The following TAOK3 variants were observed in gnomAD, a reference collection of about 807,000 sequenced individuals.
TAOK3 encodes TAO kinase 3, also known as serine/threonine-protein kinase TAO3.
In TAOK3, 40 loss-of-function variants were observed where a neutral mutation model predicts 120.4. The observed-to-expected ratio is 0.33, with a 90% CI of 0.26 to 0.43. The LOEUF (loss-of-function observed/expected upper bound fraction) is 0.43. TAOK3 is among the 20% of genes least tolerant of loss of function. The probability of loss-of-function intolerance (pLI) is 1.00; values close to 1 mark genes in which losing one functional copy is unlikely to be tolerated. For synonymous variants in TAOK3, 355 were observed against 387.5 expected, an observed-to-expected ratio of 0.92 and a Z score of 0.99; for missense variants, 821 against 1,112.1, an observed-to-expected ratio of 0.74 and a Z score of 3.72.
chr12:118,165,865 T>C (rs558176760), intron 17 of TAOK3, among the ~76,000 whole-genome samples: 1 of 152,364 alleles, frequency 6.6e-6, no homozygotes, highest in East Asian at 1.9e-4. Context: ...AAGAAAAACA[T>C]GATACTGAAA....
At chr12:118,368,321 C>T (rs143071196) in intron 1 of TAOK3, among the ~76,000 whole-genome samples, 5 of 152,104 alleles carry the variant, frequency 3.3e-5, no homozygotes, top group Admixed American at 2.0e-4. Flanking sequence ...CTCAGCCTCC[C>T]GGGTAGCTGG....
At chr12:118,247,920 G>GT (rs2140068572) in intron 3 of TAOK3, among the ~76,000 whole-genome samples, 1 of 152,226 alleles carries the variant, frequency 6.6e-6, no homozygotes, top group African/African-American at 2.4e-5. Context: ...TACCCCTAAT[G>GT]TAAGTAAGCT....
chr12:118,266,506 A>AT (rs1350259461), intron 2 of TAOK3, 149 bp downstream of exon 2: 1 of 348,564 alleles, frequency 2.9e-6, no homozygotes, highest in East Asian at 4.1e-5. Context: ...CCGGCCAAAG[A>AT]TTTTTATAAA....
At position 118,165,347 on chromosome 12, in the gene TAOK3, T is replaced by C. The variant is rs16948171; in HGVS notation, c.1900-3320A>G. Among the ~76,000 whole-genome samples the C allele has an allele frequency of 5.2e-3, 794 of 152,284 alleles. 9 individuals are homozygous for C. The highest frequency in any genetic ancestry group is 0.018 in the African/African-American group (747 of 41,566). On this transcript the variant is annotated intron_variant, in intron 17 of 20. Transcript: ENST00000392533. ...TTTATTCATCCCACACTTTCCTAAA[T>C]TGAGAAATGCAAACTGAGCCTGAGT...
intron 3 of TAOK3, among the ~76,000 whole-genome samples, chr12:118,250,937 T>A (rs1002322248): frequency 3.9e-5 from 6 of 152,074 alleles, no homozygotes; most frequent in African/African-American, 1.4e-4. Context: ...TTACGCAAGA[T>A]TCCAGGAAGG....
At chr12:118,165,042 T>C (rs2035495245) in intron 17 of TAOK3, among the ~76,000 whole-genome samples, 1 of 152,196 alleles carries the variant, frequency 6.6e-6, no homozygotes, top group Admixed American at 6.5e-5. Flanking sequence ...AGCGACCTTA[T>C]AAGGAGAAAA....
At chr12:118,275,154 G>C (rs976970697) in intron 1 of TAOK3, among the ~76,000 whole-genome samples, 1 of 151,902 alleles carries the variant, frequency 6.6e-6, no homozygotes, top group African/African-American at 2.4e-5. Flanking sequence ...TTTTTAGAGA[G>C]ACAGGGTATT....
At chr12:118,168,348 C>T (rs1257934198) in intron 17 of TAOK3, among the ~76,000 whole-genome samples, 4 of 152,188 alleles carry the variant, frequency 2.6e-5, no homozygotes, top group African/African-American at 4.8e-5. Flanking sequence ...CCCTACTCAA[C>T]CCCATGCACA....
intron 14 of TAOK3, among the ~76,000 whole-genome samples, chr12:118,189,543 C>G (rs1383181280): frequency 5.0e-4 from 14 of 27,798 alleles, no homozygotes; most frequent in African/African-American, 1.6e-3. Context: ...CAGACACACA[C>G]ACACACACAC....
At chr12:118,151,499 G>A (rs1301074080) in intron 20 of TAOK3, among the ~76,000 whole-genome samples, 2 of 152,164 alleles carry the variant, frequency 1.3e-5, no homozygotes, top group African/African-American at 4.8e-5. Flanking sequence ...TTAGGGGATG[G>A]CTCATGAGAA....
chr12:118,270,501 T>C (rs2041650814), intron 1 of TAOK3, among the ~76,000 whole-genome samples: 2 of 152,146 alleles, frequency 1.3e-5, no homozygotes, highest in African/African-American at 4.8e-5. Flanking sequence ...TTCAAACCAG[T>C]AGTCTAACCT....
intron 1 of TAOK3, among the ~76,000 whole-genome samples, chr12:118,366,625 A>G (rs1293730090): frequency 1.3e-5 from 2 of 152,212 alleles, no homozygotes; most frequent in East Asian, 1.9e-4. Flanking sequence ...ATATTAATAT[A>G]AAGTATACAA....
chr12:118,319,939 A>G lies in TAOK3; in HGVS notation c.-194+52709T>C, dbSNP rs571807233. On this transcript the variant is annotated intron_variant, in intron 1 of 20. Coordinates refer to ENST00000392533, the MANE Select transcript of TAOK3 (RefSeq NM_016281.4). ...TATTCACAATAGCCAAAAGGTGGAAACAACGTGAAGTGTCCATCAGCAGAC... is the reference window on the plus strand; with the variant it reads ...TATTCACAATAGCCAAAAGGTGGAAGCAACGTGAAGTGTCCATCAGCAGAC... 1.6e-4 allele frequency among the ~76,000 whole-genome samples: 24 copies of G among 152,364 alleles called. No homozygotes were observed. The East Asian group carries it at 2.3e-3, about 15-fold the overall frequency.
chr12:118,313,692 C>A (rs1180352139), intron 1 of TAOK3, among the ~76,000 whole-genome samples: 2 of 152,112 alleles, frequency 1.3e-5, no homozygotes, highest in Non-Finnish European at 2.9e-5. Flanking sequence ...GAATAGTAAG[C>A]TTTTACATTA....
At position 118,372,014 on chromosome 12, in the gene TAOK3, T is replaced by C. The variant is rs2045912062; in HGVS notation, c.-194+634A>G. 6.6e-6 allele frequency among the ~76,000 whole-genome samples: 1 copy of C among 150,794 alleles called. No individual in the cohort carries two copies. The highest frequency in any genetic ancestry group is 2.1e-4 in the South Asian group (1 of 4,764). On this transcript the variant is annotated intron_variant, in intron 1 of 20. Transcript: ENST00000392533. This position sits in a 1 kb window ranked among gnomAD's most constrained non-coding sequence, Gnocchi z 4.6. ...CAGCCCAGCCCCCTTCCGGGACCCC[T>C]CCTCTTCTCCCACTGTCTTGGCCCT... is the stretch of plus-strand genomic sequence containing the variant.
intron 1 of TAOK3, among the ~76,000 whole-genome samples, chr12:118,351,010 C>T (rs1361969946): frequency 6.6e-6 from 1 of 151,266 alleles, no homozygotes; most frequent in Non-Finnish European, 1.5e-5. Flanking sequence ...GAAACCCCAT[C>T]TCTACAAAAA....
At chr12:118,328,643 A>G (rs1299148419) in intron 1 of TAOK3, among the ~76,000 whole-genome samples, 1 of 152,230 alleles carries the variant, frequency 6.6e-6, no homozygotes, top group African/African-American at 2.4e-5. Flanking sequence ...CAGTAATGGT[A>G]ACATTTTATG....
intron 5 of TAOK3, among the ~76,000 whole-genome samples, chr12:118,242,290 T>C (rs946354724): frequency 3.3e-5 from 5 of 152,324 alleles, no homozygotes; most frequent in African/African-American, 9.6e-5. Flanking sequence ...GATTAATTTC[T>C]TATTTTCAGA....
rs547496924 is a variant in TAOK3 at position 118,337,812 on chromosome 12, T to C, written c.-194+34836A>G. 3.9e-5 allele frequency among the ~76,000 whole-genome samples: 6 copies of C among 152,348 alleles called. No individual in the cohort carries two copies. In the East Asian group the frequency reaches 1.2e-3, roughly 29 times the overall value. On this transcript the variant is annotated intron_variant, in intron 1 of 20. Transcript: ENST00000392533. The stretch of plus-strand genomic sequence containing the variant: ...TAGCTGTGATAATGTAGCCTCATGA[T>C]AACACTTCTTCAATCTTGACCATTG...
Sources: gnomAD v4.1 joint callset for allele counts (sites outside exome capture counted in the v4.1 genomes callset) on GRCh38, gnomAD v4.1.1 for gene constraint, Gnocchi (gnomAD v3.1) non-coding constraint, MANE v1.5 for transcripts, NCBI Gene and HGNC (gene_info 2026-07-23, HGNC 2026-07-21) for gene names.